Variants in FIGN observed in about 807,000 individuals in gnomAD.
FIGN encodes the protein fidgetin.
FIGN carries 11 observed loss-of-function variants against 51.3 expected under a neutral mutation model. That is an observed-to-expected ratio of 0.21 (90% CI 0.13 to 0.35). The LOEUF is 0.35. Ranked by LOEUF, FIGN falls within the 10% of genes least tolerant of loss-of-function variation. The pLI is 1.00. For missense variants in FIGN, 857 were observed against 943.6 expected, an observed-to-expected ratio of 0.91 and a Z score of 1.20; for synonymous variants, 407 against 363.2, an observed-to-expected ratio of 1.12 and a Z score of -1.37.
At chr2:163,620,851 TTGTGTG>T (rs71015594) in intron 2 of FIGN, among the ~76,000 whole-genome samples, 2,683 of 147,556 alleles carry the variant, frequency 0.018, 94 homozygotes, top group African/African-American at 0.063. Flanking sequence ...GTGTAAATAT[TTGTGTG>T]TGTGTGTGTG....
intron 2 of FIGN, among the ~76,000 whole-genome samples, chr2:163,622,751 G>T (rs1682994802): frequency 6.6e-6 from 1 of 152,006 alleles, no homozygotes; most frequent in Admixed American, 6.6e-5. Flanking sequence ...TTTTGGTAGA[G>T]ATGGGGTTTC....
At chr2:163,710,862 G>T (rs563633883) in intron 2 of FIGN, among the ~76,000 whole-genome samples, 5 of 152,202 alleles carry the variant, frequency 3.3e-5, no homozygotes, top group African/African-American at 1.2e-4. Flanking sequence ...TATGGCATTA[G>T]CTAAAGAGAC....
chr2:163,714,534 A>G (rs1037806701), intron 2 of FIGN, among the ~76,000 whole-genome samples: 33 of 152,338 alleles, frequency 2.2e-4, no homozygotes, highest in African/African-American at 7.5e-4. Flanking sequence ...TCGTAAATGC[A>G]AAGTACTAAT....
intron 2 of FIGN, among the ~76,000 whole-genome samples, chr2:163,616,881 A>T (rs1265277916): frequency 6.6e-6 from 1 of 152,134 alleles, no homozygotes; most frequent in African/African-American, 2.4e-5. Context: ...TTCCAGTAGA[A>T]AGTAGAAAAT....
In FIGN at chr2:163,640,661, C is replaced by A. The variant is rs554067074; in HGVS notation, c.26-28855G>T. Among the ~76,000 whole-genome samples the A allele has an allele frequency of 2.6e-5, 4 of 152,214 alleles. No homozygotes were observed. The East Asian group carries it at 7.7e-4, about 29-fold the overall frequency. On this transcript the variant is annotated intron_variant, in intron 2 of 2. Transcript: ENST00000333129. Reference sequence around the variant, plus strand: ...TCGTTAATAAATCAAGACCTATTGACTTGAAAAAAAATTCCAACTGTGTTG... The same window carrying A: ...TCGTTAATAAATCAAGACCTATTGAATTGAAAAAAAATTCCAACTGTGTTG...
intron 2 of FIGN, among the ~76,000 whole-genome samples, chr2:163,670,685 C>T (rs1458823718): frequency 1.3e-5 from 2 of 152,174 alleles, no homozygotes; most frequent in Non-Finnish European, 2.9e-5. Context: ...GGCTAGTTAA[C>T]ATACTTGTCA....
At chr2:163,671,584 C>T (rs1202791328) in intron 2 of FIGN, among the ~76,000 whole-genome samples, 4 of 152,158 alleles carry the variant, frequency 2.6e-5, no homozygotes, top group African/African-American at 9.7e-5. Flanking sequence ...AAAGATAACT[C>T]ACAAAATTAC....
At chr2:163,732,895 C>T (rs1221713662) in intron 2 of FIGN, among the ~76,000 whole-genome samples, 1 of 152,154 alleles carries the variant, frequency 6.6e-6, no homozygotes, top group Non-Finnish European at 1.5e-5. Context: ...ATTTCCTGAC[C>T]ACAACACACT....
At chr2:163,663,391 A>T (rs1030137751) in intron 2 of FIGN, among the ~76,000 whole-genome samples, 4 of 151,664 alleles carry the variant, frequency 2.6e-5, no homozygotes, top group Admixed American at 2.6e-4. Context: ...CTGGAATGCA[A>T]TGGCATGATC....
chr2:163,672,488 T>C (rs951373024), intron 2 of FIGN, among the ~76,000 whole-genome samples: 5 of 152,256 alleles, frequency 3.3e-5, no homozygotes, highest in Admixed American at 2.6e-4. Flanking sequence ...CCAATTAGAC[T>C]CCTCCAATGC....
chr2:163,704,732 G>A (rs577358833), intron 2 of FIGN, among the ~76,000 whole-genome samples: 66 of 148,994 alleles, frequency 4.4e-4, no homozygotes, highest in Non-Finnish European at 7.7e-4. Flanking sequence ...ACTATTCACC[G>A]TTAGTAAGAA....
At chr2:163,648,507 A>G (rs1212165065) in intron 2 of FIGN, among the ~76,000 whole-genome samples, 1 of 152,196 alleles carries the variant, frequency 6.6e-6, no homozygotes, top group Non-Finnish European at 1.5e-5. Context: ...TTAACCTGAG[A>G]TTCATGGAAG....
chr2:163,656,178 C>T (rs1683556494), intron 2 of FIGN, among the ~76,000 whole-genome samples: 1 of 152,008 alleles, frequency 6.6e-6, no homozygotes, highest in African/African-American at 2.4e-5. Context: ...AACACTAACC[C>T]CTAGTTGCTG....
chr2:163,721,733 T>C (rs1684760392), intron 2 of FIGN, among the ~76,000 whole-genome samples: 1 of 152,218 alleles, frequency 6.6e-6, no homozygotes, highest in Non-Finnish European at 1.5e-5. Context: ...AGATAGCATC[T>C]AGAACTTTTC....
rs1683029706 is a variant in FIGN at position 163,624,751 on chromosome 2, C to T, written c.26-12945G>A. ...CAAGCTGTCGTAATTGAAATGAAGT[C>T]TAATCAGACTCATTACTGTTTTCAG... On this transcript the variant is annotated intron_variant, in intron 2 of 2. Coordinates refer to ENST00000333129, the MANE Select transcript of FIGN (RefSeq NM_018086.4). Among the ~76,000 whole-genome samples, 3 of 148,538 alleles carry T rather than the reference C, an allele frequency of 2.0e-5. No homozygotes were observed. In the Admixed American group the frequency reaches 2.0e-4, roughly 10 times the overall value.
intron 2 of FIGN, among the ~76,000 whole-genome samples, chr2:163,692,359 T>A (rs2105345892): frequency 6.6e-6 from 1 of 152,296 alleles, no homozygotes; most frequent in African/African-American, 2.4e-5. Context: ...AAGTAAGGTG[T>A]TAAAAACAAG....
At position 163,734,929 on chromosome 2, in the gene FIGN, T is replaced by G. The variant is rs201837347; in HGVS notation, c.-2A>C. The G allele has an allele frequency of 1.9e-6, 3 of 1,611,860 alleles. No homozygotes were observed. Among genetic ancestry groups the G allele is most frequent in the Non-Finnish European group, 2.5e-6 (3 of 1,179,238 alleles). On this transcript the variant is annotated 5_prime_UTR_variant, in exon 2 of 3. Coordinates refer to ENST00000333129, the MANE Select transcript of FIGN (RefSeq NM_018086.4). ...ATAAACACTGGTGCTACTGATCATT[T>G]CTTGCTGGCAGCACAAAAAGCTGAA... is the stretch of plus-strand genomic sequence containing the variant.
Position 163,611,657 on chromosome 2 carries a change from T to C in FIGN, c.175A>G (p.Ile59Val), listed in dbSNP as rs1691264067. The C allele has an allele frequency of 1.2e-6, 2 of 1,614,118 alleles. No individual in the cohort carries two copies. Among genetic ancestry groups the C allele is most frequent in the African/African-American group, 1.3e-5 (1 of 74,952 alleles). ...AGGTTGGATGCAGTCAGAGCAGATA[T>C]GTCATCATTCGCCCAGGCGTACTGA... Reference protein sequence around the residue: ...TYQYAWANDDISALTASNLLK... With the variant: ...TYQYAWANDDVSALTASNLLK... The change falls in exon 3 of 3, where the codon ATA (isoleucine) becomes GTA (valine). Residue 59 changes from isoleucine to valine, a missense_variant. Coordinates refer to ENST00000333129, the MANE Select transcript of FIGN (RefSeq NM_018086.4).
chr2:163,720,491 C>G (rs546543393), intron 2 of FIGN, among the ~76,000 whole-genome samples: 1 of 152,194 alleles, frequency 6.6e-6, no homozygotes, highest in Admixed American at 6.5e-5. Context: ...TATATTCAAG[C>G]CATTTTAGGG....
Sources: gnomAD v4.1 joint callset for allele counts (sites outside exome capture counted in the v4.1 genomes callset) on GRCh38, gnomAD v4.1.1 for gene constraint, MANE v1.5 for transcripts, NCBI Gene and HGNC (gene_info 2026-07-23, HGNC 2026-07-21) for gene names.